Variants in SMAD9 observed in about 807,000 individuals in gnomAD.
SMAD9 encodes MAD homolog 9.
SMAD9 carries 36 observed loss-of-function variants against 46.1 expected under a neutral mutation model. The observed-to-expected ratio is 0.78, with a 90% CI of 0.60 to 1.03. SMAD9 has a LOEUF of 1.03. Among genes scored for constraint, SMAD9 ranks in the 50% least tolerant of loss-of-function variants. SMAD9 has a pLI of 0.00. For missense variants in SMAD9, 572 were observed against 599.8 expected (o/e 0.95, Z 0.48); for synonymous variants, 245 against 237.1 (o/e 1.03, Z -0.31).
At chr13:36,894,702 G>T (rs947736008) in intron 1 of SMAD9, among the ~76,000 whole-genome samples, 4 of 151,936 alleles carry the variant, frequency 2.6e-5, no homozygotes, top group African/African-American at 9.7e-5. Flanking sequence ...CTGATCCCCT[G>T]CCCGATGCTT....
intron 2 of SMAD9, among the ~76,000 whole-genome samples, chr13:36,878,413 G>T (rs1474685692): frequency 6.6e-6 from 1 of 152,180 alleles, no homozygotes. Context: ...GTGCAGGTTA[G>T]TAGCCTAGGA....
chr13:36,895,069 T>A (rs1445298405), intron 1 of SMAD9, among the ~76,000 whole-genome samples: 6 of 152,186 alleles, frequency 3.9e-5, no homozygotes, highest in Non-Finnish European at 7.3e-5. Context: ...AGCCAGCACC[T>A]GTCAGCTTTA....
chr13:36,902,850 G>C (rs759742243), intron 1 of SMAD9, among the ~76,000 whole-genome samples: 3 of 152,078 alleles, frequency 2.0e-5, no homozygotes, highest in Non-Finnish European at 2.9e-5. Flanking sequence ...TTAGGATATG[G>C]ACGTTTGTCC....
At chr13:36,896,909 TC>T (rs2058533313) in intron 1 of SMAD9, among the ~76,000 whole-genome samples, 1 of 152,178 alleles carries the variant, frequency 6.6e-6, no homozygotes, top group Non-Finnish European at 1.5e-5. Flanking sequence ...AAGAGTAATA[TC>T]CAACTTTTAT....
intron 1 of SMAD9, among the ~76,000 whole-genome samples, chr13:36,895,592 T>C (rs1347135276): frequency 6.6e-6 from 1 of 152,208 alleles, no homozygotes; most frequent in East Asian, 1.9e-4. Flanking sequence ...TTCTGCTCAA[T>C]AATCACAAGA....
chr13:36,907,748 A>G (rs2058630333), intron 1 of SMAD9, among the ~76,000 whole-genome samples: 2 of 152,246 alleles, frequency 1.3e-5, no homozygotes, highest in Non-Finnish European at 2.9e-5. Flanking sequence ...GGAAAATCCT[A>G]TCCAAATGTT....
chr13:36,879,505 G>T lies in SMAD9; in HGVS notation c.185C>A (p.Pro62Gln). 1 of 1,614,090 alleles carries T rather than the reference G, an allele frequency of 6.2e-7. No homozygotes were observed. The highest frequency in any genetic ancestry group is 8.5e-7 in the Non-Finnish European group (1 of 1,180,034). The change falls in exon 2 of 7, where the codon CCG becomes CAG. Residue 62 changes from proline to glutamine, a missense_variant. Transcript: ENST00000379826. ...CGTGACGCATTTGCTGGGCTGCCCC[G>T]GGCAGCTGAGAGCCCTCTCCAGCTC... ...MDELERALSC[P>Q]GQPSKCVTIP...
intron 1 of SMAD9, among the ~76,000 whole-genome samples, chr13:36,914,253 A>T (rs763549053): frequency 6.6e-6 from 1 of 152,086 alleles, no homozygotes; most frequent in African/African-American, 2.4e-5. Context: ...GGCGCGGTGG[A>T]TCACGCCTGT....
At chr13:36,855,134 A>C (rs2138299747) in intron 5 of SMAD9, among the ~76,000 whole-genome samples, 1 of 151,856 alleles carries the variant, frequency 6.6e-6, no homozygotes, top group Admixed American at 6.6e-5. Flanking sequence ...TACAAAAATT[A>C]AGTGGACATG....
At chr13:36,870,778 CTAA>C (rs1418417310) in intron 3 of SMAD9, among the ~76,000 whole-genome samples, 4 of 149,502 alleles carry the variant, frequency 2.7e-5, no homozygotes, top group African/African-American at 1.0e-4. Context: ...GGAACAGTAA[CTAA>C]TAATAAAGTA....
chr13:36,874,051 A>G (rs2058321882), intron 2 of SMAD9, among the ~76,000 whole-genome samples: 1 of 152,244 alleles, frequency 6.6e-6, no homozygotes, highest in Non-Finnish European at 1.5e-5. Context: ...CGACTCCTAG[A>G]AGGTTACAAT....
At chr13:36,896,716 AC>A (rs2058531645) in intron 1 of SMAD9, among the ~76,000 whole-genome samples, 1 of 152,070 alleles carries the variant, frequency 6.6e-6, no homozygotes, top group Non-Finnish European at 1.5e-5. Context: ...GGCTCAAATA[AC>A]CACTGTTTAT....
intron 3 of SMAD9, among the ~76,000 whole-genome samples, chr13:36,870,666 C>CCCCTTCTCCACCAGAGA (rs1566021421): frequency 3.9e-5 from 6 of 152,258 alleles, no homozygotes; most frequent in African/African-American, 9.6e-5. Context: ...CAGTGGCTAC[C>CCCCTTCTCCACCAGAGA]TGAAGTTGTG....
intron 1 of SMAD9, among the ~76,000 whole-genome samples, chr13:36,883,439 A>C (rs909366764): frequency 3.3e-5 from 5 of 152,260 alleles, no homozygotes; most frequent in African/African-American, 1.2e-4. Flanking sequence ...AAAAGGATTT[A>C]AATCACAGTT....
intron 1 of SMAD9, among the ~76,000 whole-genome samples, chr13:36,880,409 G>A (rs969552692): frequency 6.6e-6 from 1 of 152,138 alleles, no homozygotes; most frequent in Non-Finnish European, 1.5e-5. Context: ...CTCAACATGA[G>A]TATGTTCTTT....
In SMAD9 at chr13:36,895,972, A is replaced by C. The variant is rs186964743; in HGVS notation, c.-186-16097T>G. Among the ~76,000 whole-genome samples, 309 of 152,334 alleles carry C rather than the reference A, an allele frequency of 2.0e-3. 2 individuals are homozygous for C. The highest frequency in any genetic ancestry group is 6.7e-3 in the African/African-American group (280 of 41,586). On this transcript the variant is annotated intron_variant, in intron 1 of 6. Coordinates refer to ENST00000379826, the MANE Select transcript of SMAD9 (RefSeq NM_001127217.3). ...CTGCAGTTTCCTATTTATGTTACCTAAATCAGAAGTAATGTGCAGTTACAA... is the reference window on the plus strand; with the variant it reads ...CTGCAGTTTCCTATTTATGTTACCTCAATCAGAAGTAATGTGCAGTTACAA...
intron 3 of SMAD9, among the ~76,000 whole-genome samples, chr13:36,868,610 C>T (rs1177156877): frequency 6.6e-6 from 1 of 152,054 alleles, no homozygotes; most frequent in Admixed American, 6.6e-5. Flanking sequence ...TGGTGGTGTA[C>T]ACCTGTAATC....
chr13:36,909,788 G>C (rs2058645775), intron 1 of SMAD9, among the ~76,000 whole-genome samples: 1 of 152,204 alleles, frequency 6.6e-6, no homozygotes. Flanking sequence ...GGATGTGAGA[G>C]AAAGCAGTTT....
intron 3 of SMAD9, among the ~76,000 whole-genome samples, chr13:36,868,133 C>G (rs148089251): frequency 2.0e-5 from 3 of 152,182 alleles, no homozygotes; most frequent in Non-Finnish European, 4.4e-5. Flanking sequence ...TTTGTTGTAT[C>G]GAATTGTCCA....
Sources: allele counts gnomAD v4.1 joint callset (sites outside exome capture counted in the v4.1 genomes callset), GRCh38; gene constraint gnomAD v4.1.1; transcripts MANE v1.5; gene names NCBI Gene and HGNC (gene_info 2026-07-23, HGNC 2026-07-21).